FAM81B: variants seen among roughly 807,000 people sequenced by gnomAD.
FAM81B encodes family with sequence similarity 81 member B.
Under a neutral mutation model 58.7 loss-of-function variants are expected in FAM81B, and 60 were observed. The observed-to-expected ratio is 1.02, with a 90% confidence interval of 0.83 to 1.27. The LOEUF is 1.27. Among genes scored for constraint, FAM81B ranks in the 50% most tolerant of loss-of-function variants. The pLI is 0.00. For missense variants in FAM81B, 491 were observed against 522.0 expected, an observed-to-expected ratio of 0.94 and a Z score of 0.58; for synonymous variants, 189 against 179.6, an observed-to-expected ratio of 1.05 and a Z score of -0.42.
intron 7 of FAM81B, chr5:95,440,220 G>A (rs1017973840): frequency 6.1e-6 from 4 of 660,888 alleles, no homozygotes; most frequent in South Asian, 1.4e-5. Context: ...CTGGCTTCTC[G>A]GTCTAGCTGT....
At chr5:95,418,664 T>C (rs1320751264) in intron 4 of FAM81B, among the ~76,000 whole-genome samples, 1 of 152,198 alleles carries the variant, frequency 6.6e-6, no homozygotes. Context: ...CAGTACTATA[T>C]GAGGTTTTGG....
rs200016294 is a variant in FAM81B, at chr5:95,391,440, A to G, written c.51A>G (p.Lys17=). The change falls in exon 1 of 10, where the codon AAA becomes AAG. Residue 17 remains lysine, a synonymous_variant. Transcript: ENST00000283357. The part of the protein sequence containing the change: ...GTLASSEKRK[K]SQRLFFKNIK... ...TGGCTTCCTCAGAAAAAAGAAAAAAATCACAGAGATTGTTTTTCAAAAATA... is the reference window on the plus strand; with the variant it reads ...TGGCTTCCTCAGAAAAAAGAAAAAAGTCACAGAGATTGTTTTTCAAAAATA... The G allele has an allele frequency of 1.8e-4, 291 of 1,613,710 alleles. No homozygotes were observed. The highest frequency in any genetic ancestry group is 2.4e-4 in the Non-Finnish European group (280 of 1,179,812).
intron 5 of FAM81B, among the ~76,000 whole-genome samples, chr5:95,426,838 G>A (rs1164590101): frequency 6.6e-6 from 1 of 152,172 alleles, no homozygotes; most frequent in African/African-American, 2.4e-5. Context: ...CACGAGGTCA[G>A]GAGCTCGAGA....
intron 5 of FAM81B, 141 bp downstream of exon 5, chr5:95,420,543 T>C (rs1762651607): frequency 8.1e-7 from 1 of 1,241,576 alleles, no homozygotes; most frequent in Non-Finnish European, 1.1e-6. Context: ...TGAGAAAGTG[T>C]ACCATAGAAC....
At chr5:95,424,439 C>T (rs1222015753) in intron 5 of FAM81B, among the ~76,000 whole-genome samples, 9 of 120,946 alleles carry the variant, frequency 7.4e-5, no homozygotes, top group Admixed American at 1.7e-4. Flanking sequence ...GAACAAAAGA[C>T]AAAGAATTTA....
chr5:95,395,627 T>A (rs1430961486), intron 2 of FAM81B, among the ~76,000 whole-genome samples: 2 of 152,160 alleles, frequency 1.3e-5, no homozygotes, highest in African/African-American at 4.8e-5. Flanking sequence ...TGGCCAGCTA[T>A]ACTTAATGTT....
At chr5:95,407,414 ACACACACGCGTGCG>A (rs1762282786) in intron 3 of FAM81B, among the ~76,000 whole-genome samples, 4 of 141,990 alleles carry the variant, frequency 2.8e-5, no homozygotes, top group African/African-American at 5.2e-5. Flanking sequence ...ACACACGCAC[ACACACACGCGTGCG>A]CGCACACAAA....
Position 95,410,689 on chromosome 5 carries a change from T to G in FAM81B, c.294-3258T>G, listed in dbSNP as rs567849099. On this transcript the variant is annotated intron_variant, in intron 3 of 9. Coordinates refer to ENST00000283357, the MANE Select transcript of FAM81B (RefSeq NM_152548.3). ...TATATATTTCCAAGAGGGCAGGGGC[T>G]TTATCTGTCGTATTCATCATTTTAT... The G allele has an allele frequency of 3.9e-5, 6 of 152,282 alleles. No homozygotes were observed. The East Asian group carries it at 1.2e-3, about 29-fold the overall frequency. The allele number at this position is 152,282 out of a possible 1,614,324, so 9.4% of individuals were successfully genotyped here.
intron 7 of FAM81B, 111 bp downstream of exon 7, chr5:95,437,017 G>A: frequency 6.8e-6 from 5 of 735,858 alleles, no homozygotes; most frequent in Non-Finnish European, 1.2e-5. Context: ...ACCTGGCCAA[G>A]AAATAAAGCA....
chr5:95,430,130 G>A (rs1385679042), intron 6 of FAM81B, among the ~76,000 whole-genome samples: 1 of 151,918 alleles, frequency 6.6e-6, no homozygotes, highest in African/African-American at 2.4e-5. Context: ...AAGTGACATT[G>A]GACTATAATT....
intron 7 of FAM81B, among the ~76,000 whole-genome samples, chr5:95,442,983 C>T (rs533824052): frequency 1.4e-4 from 22 of 152,310 alleles, no homozygotes; most frequent in African/African-American, 2.6e-4. Context: ...TTTACATTCA[C>T]ACTTGGTCAA....
chr5:95,399,021 G>C (rs1762037747), intron 3 of FAM81B, among the ~76,000 whole-genome samples: 1 of 152,194 alleles, frequency 6.6e-6, no homozygotes. Context: ...TGAACAAAAA[G>C]GAGGCCAAGG....
intron 7 of FAM81B, among the ~76,000 whole-genome samples, chr5:95,444,132 C>T (rs1469140538): frequency 6.6e-6 from 1 of 152,084 alleles, no homozygotes; most frequent in Non-Finnish European, 1.5e-5. Flanking sequence ...AATAGCTTGA[C>T]AAATCTATGA....
chr5:95,450,017 T>A, intron 9 of FAM81B, 132 bp from the exon 10 acceptor site: 3 of 988,060 alleles, frequency 3.0e-6, no homozygotes, highest in Non-Finnish European at 4.4e-6. Flanking sequence ...AATTTTAGGC[T>A]GGTCTTCATA....
At chr5:95,440,803 G>C (rs1490342622) in intron 7 of FAM81B, 1 of 261,582 alleles carries the variant, frequency 3.8e-6, no homozygotes, top group Non-Finnish European at 7.6e-6. Context: ...CCAGAAAAGT[G>C]ACTATGTTCT....
At position 95,448,372 on chromosome 5, in the gene FAM81B, A is replaced by G; in HGVS notation, c.1133A>G (p.Lys378Arg). 1 of 1,613,356 alleles carries G rather than the reference A, an allele frequency of 6.2e-7. No homozygotes were observed. Among genetic ancestry groups the G allele is most frequent in the Non-Finnish European group, 8.5e-7 (1 of 1,179,788 alleles). The change falls in exon 9 of 10, where the codon AAG (lysine) becomes AGG (arginine). Residue 378 changes from lysine to arginine, a missense_variant. Transcript: ENST00000283357. ...CAGGAAACACAACTAAGTAAAGTAA[A>G]GCATATGGAAAATAAATTGTCCAAA... ...QKQETQLSKVKHMENKLSKKM... is the reference protein window; with the variant it reads ...QKQETQLSKVRHMENKLSKKM...
rs561457765 is a variant in FAM81B, at chr5:95,401,274, C to T, written c.293+5099C>T. ...GTTCTTTCTCCAGTCTCTTCTGGAC[C>T]GTGCCACTATATGGAGTTCTTTTTG... is the stretch of plus-strand genomic sequence containing the variant. On this transcript the variant is annotated intron_variant, in intron 3 of 9. Coordinates refer to ENST00000283357, the MANE Select transcript of FAM81B (RefSeq NM_152548.3). 6.8e-4 allele frequency among the ~76,000 whole-genome samples: 103 copies of T among 152,238 alleles called. 2 individuals are homozygous for T. The South Asian group carries it at 0.02, about 29-fold the overall frequency.
intron 2 of FAM81B, 93 bp from the exon 3 acceptor site, chr5:95,396,018 T>C: frequency 3.1e-6 from 3 of 980,670 alleles, no homozygotes; most frequent in Non-Finnish European, 4.7e-6. Flanking sequence ...GTATACATTT[T>C]GTTTAAAATT....
Position 95,419,773 on chromosome 5 carries a change from C to T in FAM81B, c.538-511C>T, listed in dbSNP as rs116366645. ...AATCAGGTTGATTCAGACTTGCTTGCGCTGTGTTAACTTCATTGTGGTTCT... is the reference window on the plus strand; with the variant it reads ...AATCAGGTTGATTCAGACTTGCTTGTGCTGTGTTAACTTCATTGTGGTTCT... On this transcript the variant is annotated intron_variant, in intron 4 of 9. Transcript: ENST00000283357. Among the ~76,000 whole-genome samples, 9 of 152,240 alleles carry T rather than the reference C, an allele frequency of 5.9e-5. No individual in the cohort carries two copies. In the East Asian group the frequency reaches 9.7e-4, roughly 16 times the overall value.
Sources: allele counts gnomAD v4.1 joint callset (sites outside exome capture counted in the v4.1 genomes callset), GRCh38; gene constraint gnomAD v4.1.1; transcripts MANE v1.5; gene names NCBI Gene and HGNC (gene_info 2026-07-23, HGNC 2026-07-21).